PTPN4: variants seen among roughly 807,000 people sequenced by gnomAD.
The protein encoded by PTPN4 is protein tyrosine phosphatase non-receptor type 4, also known as tyrosine-protein phosphatase non-receptor type 4.
PTPN4 carries 49 observed loss-of-function variants against 135.5 expected under a neutral mutation model. That is an observed-to-expected ratio of 0.36 (90% CI 0.29 to 0.46). The LOEUF is 0.46. PTPN4 is among the 20% of genes least tolerant of loss of function. PTPN4 has a pLI of 1.00. For missense variants in PTPN4, 860 were observed against 1,101.0 expected, an observed-to-expected ratio of 0.78 and a Z score of 3.10; for synonymous variants, 333 against 369.9, an observed-to-expected ratio of 0.90 and a Z score of 1.14.
rs763535454 is a variant in PTPN4 at position 119,877,513 on chromosome 2, C to A, written c.339C>A (p.Asp113Glu). Reference protein sequence around the residue: ...LNFRVKFFVSDPNKLQEEYTR... With the variant: ...LNFRVKFFVSEPNKLQEEYTR... ...TTAGAGTCAAATTTTTTGTAAGTGA[C>A]CCCAACAAGTTACAAGAAGAATATA... The change falls in exon 5 of 27, where the codon GAC becomes GAA. Residue 113 changes from aspartate (D) to glutamate (E), a missense_variant. Asp to Glu is a conservative substitution (Grantham distance 45). Around this residue, in one of 2 missense-constraint regions of PTPN4, gnomAD observed 684 missense variants for 807.0 expected, o/e 0.85. Coordinates refer to ENST00000263708, the MANE Select transcript of PTPN4 (RefSeq NM_002830.4). 6.2e-7 allele frequency: 1 copy of A among 1,609,498 alleles called. No individual in the cohort carries two copies.
chr2:119,815,422 T>A (rs556146655), intron 2 of PTPN4, among the ~76,000 whole-genome samples: 11 of 152,328 alleles, frequency 7.2e-5, no homozygotes, highest in African/African-American at 2.4e-4. Context: ...AATGTTTTCT[T>A]GGAAATATGT....
Position 119,862,017 on chromosome 2 carries a change from T to C in PTPN4, c.139-519T>C, listed in dbSNP as rs1677767084. On this transcript the variant is annotated intron_variant, in intron 2 of 26. Transcript: ENST00000263708. ...ATACAAAATTATATTTTAAGTAATA[T>C]TTAGCCAAATATGTCACTTTCCAGT... 2.0e-5 allele frequency among the ~76,000 whole-genome samples: 3 copies of C among 152,162 alleles called. No homozygotes were observed. The South Asian group carries it at 6.2e-4, about 31-fold the overall frequency.
At chr2:119,877,871 T>C (rs1250410899) in intron 5 of PTPN4, among the ~76,000 whole-genome samples, 2 of 146,648 alleles carry the variant, frequency 1.4e-5, no homozygotes, top group Non-Finnish European at 1.5e-5. Flanking sequence ...ATCCAAAGGA[T>C]GCTGTGTGGT....
chr2:119,970,866 G>C (rs1324704373), intron 26 of PTPN4, among the ~76,000 whole-genome samples: 1 of 152,216 alleles, frequency 6.6e-6, no homozygotes, highest in Non-Finnish European at 1.5e-5. Context: ...TTGAGGAACG[G>C]CCAGTTGTTT....
chr2:119,945,712 C>T (rs1455166927), intron 16 of PTPN4, among the ~76,000 whole-genome samples: 3 of 152,054 alleles, frequency 2.0e-5, no homozygotes, highest in Admixed American at 2.0e-4. Flanking sequence ...CCAAAACAGT[C>T]AGATCTGTCA....
intron 2 of PTPN4, among the ~76,000 whole-genome samples, chr2:119,823,384 G>T (rs561258269): frequency 6.6e-6 from 1 of 151,918 alleles, no homozygotes; most frequent in Admixed American, 6.6e-5. Flanking sequence ...CCAGGTGCCC[G>T]CCACCACGCC....
rs1679685526 is a variant in PTPN4, at chr2:119,981,054, A to C, written c.*3984A>C. Reference sequence around the variant, plus strand: ...TAATATCTGTATTTTGAACATTTAAAATACTCTGATGGTAAGGTTGCCAAA... The same window carrying C: ...TAATATCTGTATTTTGAACATTTAACATACTCTGATGGTAAGGTTGCCAAA... On this transcript the variant is annotated 3_prime_UTR_variant, in exon 27 of 27. Coordinates refer to ENST00000263708, the MANE Select transcript of PTPN4 (RefSeq NM_002830.4). 1 of 152,088 alleles carries C rather than the reference A, an allele frequency of 6.6e-6. No homozygotes were observed. Among genetic ancestry groups the C allele is most frequent in the Non-Finnish European group, 1.5e-5 (1 of 67,932 alleles). 9.4% of individuals were successfully genotyped at this position (152,088 alleles called of 1,614,324 possible). A position where few individuals can be genotyped will look rare whatever the true frequency, so the allele number is the denominator to read the frequency against.
intron 15 of PTPN4, among the ~76,000 whole-genome samples, chr2:119,937,423 T>A (rs1678998759): frequency 6.6e-6 from 1 of 152,198 alleles, no homozygotes. Flanking sequence ...GCTTATACTG[T>A]TTAGAATAAA....
chr2:119,941,409 CAG>C (rs1491096936), intron 15 of PTPN4, among the ~76,000 whole-genome samples: 5 of 103,016 alleles, frequency 4.9e-5, no homozygotes, highest in Non-Finnish European at 1.1e-4. Context: ...TTATAGACTT[CAG>C]AGTGTGTGTG....
intron 1 of PTPN4, among the ~76,000 whole-genome samples, chr2:119,765,111 G>A (rs1226689162): frequency 6.6e-6 from 1 of 152,200 alleles, no homozygotes; most frequent in Non-Finnish European, 1.5e-5. Context: ...GAGTCAGGTG[G>A]TCTTGAATTG....
At chr2:119,824,552 T>A (rs564511032) in intron 2 of PTPN4, among the ~76,000 whole-genome samples, 7 of 152,334 alleles carry the variant, frequency 4.6e-5, no homozygotes, top group African/African-American at 1.7e-4. Context: ...CAAGTATAAT[T>A]GTGCATTTAT....
intron 3 of PTPN4, among the ~76,000 whole-genome samples, chr2:119,867,368 A>G (rs1677848065): frequency 6.6e-6 from 1 of 152,138 alleles, no homozygotes; most frequent in Admixed American, 6.5e-5. Context: ...AGTGCTAGAG[A>G]TAATTCAGTT....
intron 15 of PTPN4, among the ~76,000 whole-genome samples, chr2:119,936,194 G>C (rs1468236362): frequency 6.6e-6 from 1 of 152,118 alleles, no homozygotes; most frequent in Non-Finnish European, 1.5e-5. Context: ...AGTAGAGATG[G>C]GGTTTCACCG....
chr2:119,766,420 C>T (rs997843973), intron 1 of PTPN4, among the ~76,000 whole-genome samples: 2 of 150,932 alleles, frequency 1.3e-5, no homozygotes, highest in African/African-American at 4.9e-5. Context: ...CTGCCTCCCC[C>T]ATTTCACTGG....
At position 119,761,971 on chromosome 2, in the gene PTPN4, A is replaced by G. The variant is rs148645755; in HGVS notation, c.-18+1587A>G. Among the ~76,000 whole-genome samples the G allele has an allele frequency of 2.6e-5, 4 of 152,322 alleles. No individual in the cohort carries two copies. In the East Asian group the frequency reaches 5.8e-4, roughly 22 times the overall value. On this transcript the variant is annotated intron_variant, in intron 1 of 26. Transcript: ENST00000263708. ...CTTCAGAGCTGTAGGTATTGAATTG[A>G]GTCAAACTTGTGTTTTTTTCTTATG...
intron 1 of PTPN4, among the ~76,000 whole-genome samples, chr2:119,785,948 C>G (rs1467035285): frequency 6.6e-6 from 1 of 152,148 alleles, no homozygotes; most frequent in Non-Finnish European, 1.5e-5. Flanking sequence ...GGTATTTAAT[C>G]AGGATACCTT....
At chr2:119,810,054 G>A in intron 2 of PTPN4, 63 bp downstream of exon 2, 1 of 1,487,576 alleles carries the variant, frequency 6.7e-7, no homozygotes, top group East Asian at 2.3e-5. Flanking sequence ...AGACATATAT[G>A]TAAACTAGGA....
At chr2:119,881,708 TG>T in intron 5 of PTPN4, 77 bp from the exon 6 acceptor site, 1 of 938,830 alleles carries the variant, frequency 1.1e-6, no homozygotes, top group South Asian at 1.8e-5. Context: ...TATTTGTTAA[TG>T]TAAGTATACA....
chr2:119,970,070 T>C (rs1277888315), intron 26 of PTPN4, among the ~76,000 whole-genome samples: 3 of 152,112 alleles, frequency 2.0e-5, no homozygotes, highest in Admixed American at 1.3e-4. Context: ...TTATTTTTTA[T>C]TTTTTTGAGA....
Sources: gnomAD v4.1 joint callset for allele counts (sites outside exome capture counted in the v4.1 genomes callset) on GRCh38, gnomAD v4.1.1 for gene constraint, gnomAD v4.1.1 regional missense constraint, MANE v1.5 for transcripts, NCBI Gene and HGNC (gene_info 2026-07-23, HGNC 2026-07-21) for gene names.